DCUN1D4: variants seen among roughly 807,000 people sequenced by gnomAD.
DCUN1D4 encodes the protein defective in cullin neddylation 1 domain containing 4, also known as DCN1-like protein 4.
Under a neutral mutation model 47.9 loss-of-function variants are expected in DCUN1D4, and 22 were observed. The observed-to-expected ratio is 0.46, with a 90% CI of 0.33 to 0.66. The LOEUF is 0.66. DCUN1D4 is among the 30% of genes least tolerant of loss of function. DCUN1D4 has a pLI of 0.02. For synonymous variants in DCUN1D4, 121 were observed against 112.2 expected (o/e 1.08, Z -0.50); for missense variants, 301 against 340.8 (o/e 0.88, Z 0.92).
chr4:51,837,868 G>A, the DCUN1D4 span, among the ~76,000 whole-genome samples: 1 of 151,890 alleles, frequency 6.6e-6, no homozygotes, highest in Non-Finnish European at 1.5e-5. Flanking sequence ...AAGATATCAG[G>A]ATTTTCTAGA....
the DCUN1D4 span, among the ~76,000 whole-genome samples, chr4:51,835,762 G>A: frequency 6.6e-6 from 1 of 152,126 alleles, no homozygotes; most frequent in South Asian, 2.1e-4. Flanking sequence ...AAGACTGTGG[G>A]TGGGGGTACC....
chr4:51,903,980 G>A (rs1405909302), intron 8 of DCUN1D4, among the ~76,000 whole-genome samples: 1 of 150,998 alleles, frequency 6.6e-6, no homozygotes, highest in African/African-American at 2.4e-5. Flanking sequence ...CTTTCTGTTG[G>A]TTTATTTTTC....
intron 1 of DCUN1D4, among the ~76,000 whole-genome samples, chr4:51,847,489 G>C (rs1198115064): frequency 6.6e-6 from 1 of 152,028 alleles, no homozygotes; most frequent in Non-Finnish European, 1.5e-5. Context: ...CTTCTTCCCT[G>C]GTCAGTGGCA....
the DCUN1D4 span, among the ~76,000 whole-genome samples, chr4:51,834,850 C>T: frequency 5.9e-5 from 9 of 152,314 alleles, no homozygotes; most frequent in South Asian, 2.1e-4. Flanking sequence ...TTTAAAGTCG[C>T]ATTGCTTGTA....
intron 1 of DCUN1D4, among the ~76,000 whole-genome samples, chr4:51,850,112 C>T (rs1046503015): frequency 2.0e-5 from 3 of 152,066 alleles, no homozygotes; most frequent in African/African-American, 7.2e-5. Flanking sequence ...ACATATGTTA[C>T]CTTAGGCCTC....
chr4:51,877,113 TG>T (rs948260797), intron 4 of DCUN1D4, among the ~76,000 whole-genome samples: 1 of 152,160 alleles, frequency 6.6e-6, no homozygotes, highest in Non-Finnish European at 1.5e-5. Flanking sequence ...TAGTTTATGC[TG>T]GGCTGTCCAC....
At chr4:51,839,121 GAGA>G (rs1721566128), upstream of DCUN1D4, among the ~76,000 whole-genome samples, 1 of 149,160 alleles carries the variant, frequency 6.7e-6, no homozygotes, top group Non-Finnish European at 1.5e-5. Context: ...AAGGGAAGGA[GAGA>G]AGGAGGGAAT....
At chr4:51,843,561 G>C (rs1721936719) in intron 1 of DCUN1D4, 18 of 1,276,160 alleles carry the variant, frequency 1.4e-5, no homozygotes, top group Non-Finnish European at 1.8e-5. Flanking sequence ...GCGATGAAGG[G>C]CCGAGATCGG....
intron 6 of DCUN1D4, among the ~76,000 whole-genome samples, chr4:51,888,548 C>G (rs2110052642): frequency 6.6e-6 from 1 of 150,966 alleles, no homozygotes; most frequent in Non-Finnish European, 1.5e-5. Context: ...CGAGACCAGC[C>G]TGGCCAATAA....
At chr4:51,884,948 G>T (rs1252864979) in intron 5 of DCUN1D4, 4 of 152,226 alleles carry the variant, frequency 2.6e-5, no homozygotes, top group African/African-American at 7.2e-5. Flanking sequence ...GTGGTGCAGA[G>T]TGAAGCCACA....
intron 1 of DCUN1D4, among the ~76,000 whole-genome samples, chr4:51,859,364 A>G (rs569143798): frequency 2.6e-5 from 4 of 152,234 alleles, no homozygotes; most frequent in East Asian, 3.9e-4. Context: ...GCAAGTGACT[A>G]TGGTATAAAG....
At chr4:51,901,504 G>A (rs1732111282) in intron 8 of DCUN1D4, among the ~76,000 whole-genome samples, 1 of 152,154 alleles carries the variant, frequency 6.6e-6, no homozygotes. Flanking sequence ...CTGCTTCCTG[G>A]CCTCTCTGCA....
At position 51,915,966 on chromosome 4, in the gene DCUN1D4, G is replaced by T. The variant is rs1457686279; in HGVS notation, c.*2382G>T. On this transcript the variant is annotated 3_prime_UTR_variant, in exon 11 of 11. Coordinates refer to ENST00000334635, the MANE Select transcript of DCUN1D4 (RefSeq NM_001040402.3). ...CAGAGTGCTTACCCTTGATTGTCTT[G>T]ATTTTATATATTTATTTCTAAGGGG... is the stretch of plus-strand genomic sequence containing the variant. The T allele has an allele frequency of 6.6e-6, 1 of 152,164 alleles. No individual in the cohort carries two copies. The highest frequency in any genetic ancestry group is 2.4e-5 in the African/African-American group (1 of 41,412). 9.4% of individuals were successfully genotyped at this position (152,164 alleles called of 1,614,324 possible). A position where few individuals can be genotyped will look rare whatever the true frequency, so the allele number is the denominator to read the frequency against.
chr4:51,850,113 C>G (rs905046430), intron 1 of DCUN1D4, among the ~76,000 whole-genome samples: 1 of 152,110 alleles, frequency 6.6e-6, no homozygotes, highest in South Asian at 2.1e-4. Flanking sequence ...CATATGTTAC[C>G]TTAGGCCTCC....
chr4:51,887,651 C>T (rs1004024549), intron 6 of DCUN1D4, among the ~76,000 whole-genome samples: 2 of 152,196 alleles, frequency 1.3e-5, no homozygotes, highest in East Asian at 3.8e-4. Flanking sequence ...AATTTGTGAT[C>T]TGGGAAGAGA....
rs535700123 is a variant in DCUN1D4 at position 51,861,012 on chromosome 4, G to A, written c.26-2425G>A. Among the ~76,000 whole-genome samples, 125 of 152,224 alleles carry A rather than the reference G, an allele frequency of 8.2e-4. 1 individual carries two copies. Among genetic ancestry groups the A allele is most frequent in the South Asian group, 7.3e-3 (35 of 4,820 alleles). On this transcript the variant is annotated intron_variant, in intron 1 of 10. Coordinates refer to ENST00000334635, the MANE Select transcript of DCUN1D4 (RefSeq NM_001040402.3). Reference sequence around the variant, plus strand: ...GAGAATGGTGTAAGTAAATATAGTCGGAATTGATGTCTTTTATTGAGCACT... The same window carrying A: ...GAGAATGGTGTAAGTAAATATAGTCAGAATTGATGTCTTTTATTGAGCACT...
chr4:51,852,317 T>C (rs967325420), intron 1 of DCUN1D4, among the ~76,000 whole-genome samples: 21 of 152,240 alleles, frequency 1.4e-4, no homozygotes, highest in African/African-American at 4.6e-4. Flanking sequence ...TAAATAGACT[T>C]TGTTATTTTT....
At chr4:51,893,062 G>C (rs1321931351) in intron 7 of DCUN1D4, among the ~76,000 whole-genome samples, 1 of 152,206 alleles carries the variant, frequency 6.6e-6, no homozygotes, top group Non-Finnish European at 1.5e-5. Context: ...TTGTGAAGAA[G>C]ACAGATCAGA....
intron 8 of DCUN1D4, among the ~76,000 whole-genome samples, chr4:51,903,400 G>A (rs944318551): frequency 2.6e-5 from 4 of 151,990 alleles, no homozygotes; most frequent in South Asian, 2.1e-4. Context: ...CTCTAAACAC[G>A]TCTTTTGTTT....
Sources: allele counts gnomAD v4.1 joint callset (sites outside exome capture counted in the v4.1 genomes callset), GRCh38; gene constraint gnomAD v4.1.1; transcripts MANE v1.5; gene names NCBI Gene and HGNC (gene_info 2026-07-23, HGNC 2026-07-21).